Variants in DEPDC5 observed in about 807,000 individuals in gnomAD.
The protein encoded by DEPDC5 is GATOR1 complex protein DEPDC5.
Under a neutral mutation model 217.3 loss-of-function variants are expected in DEPDC5, and 73 were observed. The ratio of observed to expected loss-of-function variants is 0.34; its 90% CI spans 0.28 to 0.41. The LOEUF (loss-of-function observed/expected upper bound fraction) is 0.41. DEPDC5 is among the 10% of genes least tolerant of loss of function. The pLI is 1.00. For missense variants in DEPDC5, 1,675 were observed against 2,070.1 expected (o/e 0.81, Z 3.70); for synonymous variants, 733 against 756.7 (o/e 0.97, Z 0.51).
At chr22:31,872,974 T>G (rs2092890523) in intron 34 of DEPDC5, among the ~76,000 whole-genome samples, 1 of 152,028 alleles carries the variant, frequency 6.6e-6, no homozygotes, top group South Asian at 2.1e-4. Flanking sequence ...AGGCTGGTCT[T>G]GACCTCCTGA....
In DEPDC5 at chr22:31,797,661, C is replaced by A. The variant is rs778656662; in HGVS notation, c.829C>A (p.Leu277Ile). Residue 277 changes from leucine (L) to isoleucine (I), a missense_variant, in exon 13 of 43, where the codon CTC becomes ATC. Transcript: ENST00000651528. ...TTCACTTCTCGTAACCATTAAAAAA[C>A]TCTTCATCCAGTATCCAGTGTTGGT... Reference protein sequence around the residue: ...WTSLLVTIKKLFIQYPVLVRL... With the variant: ...WTSLLVTIKKIFIQYPVLVRL... 3 of 1,613,970 alleles carry A rather than the reference C, an allele frequency of 1.9e-6. No individual in the cohort carries two copies. In the South Asian group the frequency reaches 3.3e-5, roughly 18 times the overall value.
intron 30 of DEPDC5, 133 bp downstream of exon 30, chr22:31,845,370 A>C: frequency 8.2e-7 from 1 of 1,222,996 alleles, no homozygotes; most frequent in Non-Finnish European, 1.1e-6. Context: ...TAAATCCAAA[A>C]CAGTGTTTTC....
intron 34 of DEPDC5, chr22:31,873,052 G>A (rs1165742470): frequency 3.0e-5 from 31 of 1,017,264 alleles, no homozygotes; most frequent in Non-Finnish European, 4.1e-5. Context: ...ACCAAACCCG[G>A]CCCTAAATGT....
At chr22:31,771,050 TG>T (rs36010858) in intron 7 of DEPDC5, among the ~76,000 whole-genome samples, 145 of 152,266 alleles carry the variant, frequency 9.5e-4, no homozygotes, top group Non-Finnish European at 1.4e-3. Flanking sequence ...CCCAAAGCAC[TG>T]GGATTATAGG....
intron 4 of DEPDC5, 70 bp from the exon 5 acceptor site, chr22:31,764,905 T>C: frequency 8.5e-7 from 1 of 1,174,700 alleles, no homozygotes; most frequent in East Asian, 2.3e-5. Context: ...GTTGAGTGTT[T>C]ATAGATTAGA....
chr22:31,838,837 A>G lies in DEPDC5; in HGVS notation c.2507A>G (p.Tyr836Cys), dbSNP rs773004067. 3.8e-5 allele frequency: 61 copies of G among 1,612,504 alleles called. No homozygotes were observed. In the East Asian group the frequency reaches 6.2e-4, roughly 17 times the overall value. The change falls in exon 27 of 43, where the codon TAT (tyrosine) becomes TGT (cysteine). Residue 836 changes from tyrosine to cysteine, a missense_variant. Tyr to Cys is a radical substitution (Grantham distance 194, BLOSUM62 -2). Around this residue, in one of 11 missense-constraint regions of DEPDC5, gnomAD observed 293 missense variants for 386.1 expected, o/e 0.76. Transcript: ENST00000651528. The stretch of plus-strand genomic sequence containing the variant: ...CCCCCGCTGAGCAGTAGCCCACTCT[A>G]TAGCCGAGGTGAGTTTTTCTCCTTG... ...VPPPLSSSPL[Y>C]SRGLVSRNRP...
intron 24 of DEPDC5, among the ~76,000 whole-genome samples, chr22:31,824,761 A>G (rs968059840): frequency 5.3e-5 from 8 of 151,810 alleles, no homozygotes; most frequent in African/African-American, 1.9e-4. Context: ...AGGTCAGGAG[A>G]TTGAGACCAT....
chr22:31,847,032 G>A, intron 31 of DEPDC5, 65 bp downstream of exon 31: 1 of 1,604,156 alleles, frequency 6.2e-7, no homozygotes, highest in Non-Finnish European at 8.5e-7. Context: ...TCAGTGCCCT[G>A]TTCCCTTGAG....
chr22:31,761,074 T>C (rs561466653), intron 4 of DEPDC5, among the ~76,000 whole-genome samples: 1 of 151,956 alleles, frequency 6.6e-6, no homozygotes, highest in East Asian at 1.9e-4. Flanking sequence ...CTCCGCCTCC[T>C]GGGTTCACAC....
chr22:31,773,456 GC>G (rs1330639633), intron 7 of DEPDC5, among the ~76,000 whole-genome samples: 1 of 152,130 alleles, frequency 6.6e-6, no homozygotes, highest in Non-Finnish European at 1.5e-5. Context: ...TCTTGGCTCA[GC>G]CCCCTAGAGT....
At chr22:31,810,471 A>T in intron 19 of DEPDC5, 50 bp from the exon 20 acceptor site, 3 of 1,609,524 alleles carry the variant, frequency 1.9e-6, no homozygotes, top group South Asian at 1.1e-5. Flanking sequence ...GCTCTCAGGC[A>T]TGTGTTTGAA....
intron 36 of DEPDC5, 63 bp from the exon 37 acceptor site, chr22:31,876,094 C>A: frequency 6.7e-7 from 1 of 1,492,796 alleles, no homozygotes; most frequent in Non-Finnish European, 9.3e-7. Context: ...CAGAGCATGA[C>A]TGAGGGCTGC....
At chr22:31,876,366 T>C (rs2092992859) in intron 37 of DEPDC5, 101 bp downstream of exon 37, 2 of 864,630 alleles carry the variant, frequency 2.3e-6, no homozygotes, top group Non-Finnish European at 1.8e-6. Context: ...TGTGTGACTT[T>C]GTATTATAAG....
chr22:31,806,298 A>AGGC, intron 18 of DEPDC5, 107 bp downstream of exon 18: 1 of 957,808 alleles, frequency 1.0e-6, no homozygotes, highest in Non-Finnish European at 1.6e-6. Flanking sequence ...AAGTGTTGGG[A>AGGC]TTACAGACAT....
At chr22:31,778,865 C>T (rs1187249360) in intron 8 of DEPDC5, among the ~76,000 whole-genome samples, 2 of 152,164 alleles carry the variant, frequency 1.3e-5, no homozygotes, top group East Asian at 1.9e-4. Context: ...ATTTTGCTCC[C>T]TTCAGGGGTC....
chr22:31,901,653 A>T, intron 40 of DEPDC5, 89 bp from the exon 41 acceptor site: 1 of 1,168,968 alleles, frequency 8.6e-7, no homozygotes, highest in Non-Finnish European at 1.2e-6. Flanking sequence ...ACTGATTGCC[A>T]AGAGTAGTAA....
chr22:31,803,303 T>A (rs1601974852), intron 15 of DEPDC5, among the ~76,000 whole-genome samples: 2 of 151,916 alleles, frequency 1.3e-5, no homozygotes, highest in Non-Finnish European at 2.9e-5. Context: ...CTCCGCCTCC[T>A]GGGTTCACAC....
At chr22:31,857,830 A>G (rs2092362168) in intron 32 of DEPDC5, 1 of 286,744 alleles carries the variant, frequency 3.5e-6, no homozygotes, top group East Asian at 7.8e-5. Context: ...CTGGAGGATC[A>G]CTTGAGCCCA....
intron 24 of DEPDC5, among the ~76,000 whole-genome samples, chr22:31,828,764 G>A (rs1436520461): frequency 6.6e-6 from 1 of 152,106 alleles, no homozygotes; most frequent in African/African-American, 2.4e-5. Flanking sequence ...TGAACTCTAG[G>A]CACTGTGCTA....
Sources: allele counts gnomAD v4.1 joint callset (sites outside exome capture counted in the v4.1 genomes callset), GRCh38; gene constraint gnomAD v4.1.1; regional missense constraint gnomAD v4.1.1; transcripts MANE v1.5; gene names NCBI Gene and HGNC (gene_info 2026-07-23, HGNC 2026-07-21).